FRMD5: variants seen among roughly 807,000 people sequenced by gnomAD.
FRMD5 encodes FERM domain containing 5, also known as FERM domain-containing protein 5.
Under a neutral mutation model 69.0 loss-of-function variants are expected in FRMD5, and 20 were observed. The ratio of observed to expected loss-of-function variants is 0.29; its 90% CI spans 0.20 to 0.42. The LOEUF (loss-of-function observed/expected upper bound fraction) is 0.42, where lower values mean the gene tolerates loss of function less well. Ranked by LOEUF, FRMD5 falls within the 10% of genes least tolerant of loss-of-function variation. The pLI, the probability that FRMD5 is intolerant of heterozygous loss-of-function variation, is 1.00. For synonymous variants in FRMD5, 271 were observed against 260.1 expected, an observed-to-expected ratio of 1.04 and a Z score of -0.40; for missense variants, 595 against 708.6, an observed-to-expected ratio of 0.84 and a Z score of 1.82.
chr15:43,931,735 C>CA (rs374896246), intron 1 of FRMD5, among the ~76,000 whole-genome samples: 2 of 152,048 alleles, frequency 1.3e-5, no homozygotes, highest in East Asian at 1.9e-4. Context: ...CTCCTCTTCA[C>CA]AAAAAAATTG....
At chr15:44,166,504 G>T (rs963335212) in intron 1 of FRMD5, among the ~76,000 whole-genome samples, 9 of 151,336 alleles carry the variant, frequency 5.9e-5, no homozygotes, top group African/African-American at 1.7e-4. Flanking sequence ...TCTCATGTAC[G>T]CCAGGTGCGA....
In FRMD5 at chr15:44,116,179, CTA is replaced by C. The variant is rs2076865254; in HGVS notation, c.102+78772_102+78773del. ...TGTTTCAGAATATATCTATATACAA[CTA>C]TATATATTTTATATACATATATAAC... On this transcript the variant is annotated intron_variant, in intron 1 of 13. Coordinates refer to ENST00000417257, the MANE Select transcript of FRMD5 (RefSeq NM_032892.5). 4.7e-5 allele frequency among the ~76,000 whole-genome samples: 7 copies of C among 149,816 alleles called. No individual in the cohort carries two copies. In the South Asian group the frequency reaches 1.5e-3, roughly 32 times the overall value.
chr15:43,883,188 A>G (rs1317116145), intron 13 of FRMD5, among the ~76,000 whole-genome samples: 1 of 150,792 alleles, frequency 6.6e-6, no homozygotes, highest in Non-Finnish European at 1.5e-5. Flanking sequence ...CAACCTCTGC[A>G]TCCCAGGCTC....
intron 1 of FRMD5, among the ~76,000 whole-genome samples, chr15:43,979,564 A>T (rs1011978274): frequency 6.6e-6 from 1 of 152,194 alleles, no homozygotes; most frequent in Non-Finnish European, 1.5e-5. Flanking sequence ...GAATTGGATG[A>T]GGGTCATGGA....
chr15:43,989,658 G>C lies in FRMD5; in HGVS notation c.103-65349C>G, dbSNP rs535930235. ...TCCTGACCAGCCAGGCACACACGCA[G>C]GATGGCATGGGGGAGGGCATACTCT... On this transcript the variant is annotated intron_variant, in intron 1 of 13. Coordinates refer to ENST00000417257, the MANE Select transcript of FRMD5 (RefSeq NM_032892.5). 22 of 915,292 alleles carry C rather than the reference G, an allele frequency of 2.4e-5. No individual in the cohort carries two copies. The Admixed American group carries it at 2.9e-4, about 12-fold the overall frequency. 56.7% of individuals were successfully genotyped at this position (915,292 alleles called of 1,614,324 possible).
chr15:43,983,773 TC>T (rs1374390315), intron 1 of FRMD5, among the ~76,000 whole-genome samples: 1 of 151,970 alleles, frequency 6.6e-6, no homozygotes, highest in African/African-American at 2.4e-5. Flanking sequence ...ACTAAGGTCC[TC>T]CCCCCATCCA....
chr15:43,972,745 C>T (rs2090401019), intron 1 of FRMD5, among the ~76,000 whole-genome samples: 1 of 152,304 alleles, frequency 6.6e-6, no homozygotes, highest in East Asian at 1.9e-4. Flanking sequence ...CAGGTAGTCC[C>T]ATTCACCTTT....
upstream of FRMD5, among the ~76,000 whole-genome samples, chr15:44,197,026 A>G (rs2078313658): frequency 6.6e-6 from 1 of 152,132 alleles, no homozygotes; most frequent in South Asian, 2.1e-4. Context: ...ATAGGTATTC[A>G]ATAAGTGTTG....
In FRMD5 at chr15:43,946,173, T is replaced by C. The variant is rs536191467; in HGVS notation, c.103-21864A>G. Among the ~76,000 whole-genome samples the C allele has an allele frequency of 2.6e-5, 4 of 152,348 alleles. No individual in the cohort carries two copies. The East Asian group carries it at 7.7e-4, about 29-fold the overall frequency. ...CCTTTGCTCTCTTATCTCTCTCTTCTTTTAAAGGCAAAGCTCTTGACTGTT... is the reference window on the plus strand; with the variant it reads ...CCTTTGCTCTCTTATCTCTCTCTTCCTTTAAAGGCAAAGCTCTTGACTGTT... On this transcript the variant is annotated intron_variant, in intron 1 of 13. Coordinates refer to ENST00000417257, the MANE Select transcript of FRMD5 (RefSeq NM_032892.5).
intron 4 of FRMD5, among the ~76,000 whole-genome samples, chr15:43,915,105 G>A (rs1221322525): frequency 6.6e-6 from 1 of 152,182 alleles, no homozygotes; most frequent in Non-Finnish European, 1.5e-5. Context: ...TTGTCACAGA[G>A]CTAGTTAAAG....
intron 6 of FRMD5, 23 bp from the exon 7 acceptor site, chr15:43,902,285 A>C (rs2089065239): frequency 1.3e-6 from 2 of 1,591,566 alleles, no homozygotes; most frequent in Non-Finnish European, 1.7e-6. Context: ...AGATGAGATG[A>C]TTTCAAGGTG....
intron 1 of FRMD5, among the ~76,000 whole-genome samples, chr15:43,971,340 A>C (rs2090374028): frequency 6.6e-6 from 1 of 152,158 alleles, no homozygotes; most frequent in Non-Finnish European, 1.5e-5. Context: ...TTCTGTTATA[A>C]AAATAATACT....
chr15:44,156,249 T>C (rs1343569694), intron 1 of FRMD5, among the ~76,000 whole-genome samples: 1 of 152,132 alleles, frequency 6.6e-6, no homozygotes, highest in South Asian at 2.1e-4. Flanking sequence ...GTTCAGGTGA[T>C]TCTCCTGCCT....
chr15:44,089,388 G>A (rs756498121), intron 1 of FRMD5, among the ~76,000 whole-genome samples: 6 of 152,062 alleles, frequency 3.9e-5, no homozygotes, highest in Admixed American at 6.6e-5. Flanking sequence ...GAGATAAACA[G>A]GCATGTCTGC....
intron 1 of FRMD5, among the ~76,000 whole-genome samples, chr15:44,144,412 C>G (rs959292949): frequency 6.6e-5 from 10 of 152,104 alleles, no homozygotes; most frequent in African/African-American, 2.4e-4. Flanking sequence ...GTGGGTAGAG[C>G]CAAGGACACA....
At chr15:44,057,230 T>C (rs1440554486) in intron 1 of FRMD5, among the ~76,000 whole-genome samples, 1 of 151,918 alleles carries the variant, frequency 6.6e-6, no homozygotes, top group African/African-American at 2.4e-5. Context: ...GTTCAAGCGA[T>C]TCTCCTGCCT....
chr15:44,151,610 A>C (rs1281678297), intron 1 of FRMD5, among the ~76,000 whole-genome samples: 1 of 152,142 alleles, frequency 6.6e-6, no homozygotes, highest in Admixed American at 6.5e-5. Context: ...GAAATTAAAG[A>C]GTAGTGCTAA....
intron 13 of FRMD5, among the ~76,000 whole-genome samples, chr15:43,883,015 C>T (rs530070132): frequency 4.6e-5 from 7 of 152,154 alleles, no homozygotes; most frequent in African/African-American, 1.7e-4. Context: ...CCATGTTGGC[C>T]AGGCTGCTCT....
intron 6 of FRMD5, among the ~76,000 whole-genome samples, chr15:43,904,499 G>A (rs1304976446): frequency 6.6e-6 from 1 of 152,088 alleles, no homozygotes; most frequent in Non-Finnish European, 1.5e-5. Flanking sequence ...CTCCTGAGTA[G>A]CTGGGATACA....
Sources: gnomAD v4.1 joint callset for allele counts (sites outside exome capture counted in the v4.1 genomes callset) on GRCh38, gnomAD v4.1.1 for gene constraint, MANE v1.5 for transcripts, NCBI Gene and HGNC (gene_info 2026-07-23, HGNC 2026-07-21) for gene names.